The following PTCHD4 variants were observed in gnomAD, a reference collection of about 807,000 sequenced individuals.
PTCHD4 encodes the protein patched domain containing 4.
PTCHD4 carries 33 observed loss-of-function variants against 58.1 expected under a neutral mutation model. That is an observed-to-expected ratio of 0.57 (90% CI 0.43 to 0.76). The LOEUF is 0.76. Ranked by LOEUF, PTCHD4 falls within the 30% of genes least tolerant of loss-of-function variation. The pLI is 0.00. For synonymous variants in PTCHD4, 478 were observed against 409.6 expected (o/e 1.17, Z -2.02); for missense variants, 1,058 against 1,027.1 (o/e 1.03, Z -0.41).
At chr6:47,936,762 T>A (rs1474795493) in intron 4 of PTCHD4, among the ~76,000 whole-genome samples, 3 of 152,072 alleles carry the variant, frequency 2.0e-5, no homozygotes, top group Non-Finnish European at 4.4e-5. Context: ...TACATTCTAA[T>A]ACACACAAAA....
chr6:47,879,220 A>G lies in PTCHD4; in HGVS notation c.1615T>C (p.Cys539Arg). 2.5e-6 allele frequency: 4 copies of G among 1,613,118 alleles called. No individual in the cohort carries two copies. Among genetic ancestry groups the G allele is most frequent in the Non-Finnish European group, 3.4e-6 (4 of 1,179,646 alleles). The change falls in exon 5 of 5, where the codon TGT (cysteine) becomes CGT (arginine). Residue 539 changes from cysteine to arginine, a missense_variant. Transcript: ENST00000339488. ...SSVQDDLRRL[C>R]SGFTAVSWVE... is the part of the protein sequence containing the mutation. ...CAGGACACTGCAGTGAATCCACTAC[A>G]GAGTCTTCTTAGGTCATCCTGGACG...
At chr6:48,001,080 A>C (rs1768702664) in intron 4 of PTCHD4, among the ~76,000 whole-genome samples, 1 of 152,168 alleles carries the variant, frequency 6.6e-6, no homozygotes, top group South Asian at 2.1e-4. Context: ...GGAGAACTAC[A>C]AACCACTGCT....
chr6:48,024,611 T>A (rs1763179095), intron 3 of PTCHD4, among the ~76,000 whole-genome samples: 1 of 152,174 alleles, frequency 6.6e-6, no homozygotes, highest in Non-Finnish European at 1.5e-5. Flanking sequence ...CTGTAGGCAT[T>A]CTATGATCCC....
chr6:48,050,504 A>G (rs1764193052), intron 3 of PTCHD4, among the ~76,000 whole-genome samples: 1 of 152,064 alleles, frequency 6.6e-6, no homozygotes, highest in Non-Finnish European at 1.5e-5. Context: ...TACTGGATCC[A>G]TCCAATCTGA....
chr6:47,962,340 CA>C (rs994113908), intron 4 of PTCHD4, among the ~76,000 whole-genome samples: 9 of 152,274 alleles, frequency 5.9e-5, no homozygotes, highest in Admixed American at 2.6e-4. Flanking sequence ...GAAACAATCA[CA>C]AAGTCACAAG....
chr6:47,904,378 A>C (rs1466404803), intron 4 of PTCHD4, among the ~76,000 whole-genome samples: 1 of 152,190 alleles, frequency 6.6e-6, no homozygotes, highest in Non-Finnish European at 1.5e-5. Flanking sequence ...TTTGGAAATA[A>C]ATTTTGTTGG....
rs1221775023 is a variant in PTCHD4 at position 47,862,334 on chromosome 6, C to T, written c.*15969G>A. ...TACTTACAACCATTTTCAACACATA[C>T]TAAATTTTTTTTGTAGGCTGCTTTC... On this transcript the variant is annotated 3_prime_UTR_variant, in exon 5 of 5. Coordinates refer to ENST00000339488, the MANE Select transcript of PTCHD4 (RefSeq NM_001384253.1). Among the ~76,000 whole-genome samples, 5 of 151,732 alleles carry T rather than the reference C, an allele frequency of 3.3e-5. No individual in the cohort carries two copies. Among genetic ancestry groups the T allele is most frequent in the Non-Finnish European group, 5.9e-5 (4 of 67,782 alleles).
rs997520861 is a variant in PTCHD4 at position 48,069,236 on chromosome 6, A to G, written c.-279T>C. Among the ~76,000 whole-genome samples, 1 of 149,830 alleles carries G rather than the reference A, an allele frequency of 6.7e-6. No individual in the cohort carries two copies. The highest frequency in any genetic ancestry group is 2.5e-5 in the African/African-American group (1 of 40,410). On this transcript the variant is annotated 5_prime_UTR_variant, in exon 2 of 5. Transcript: ENST00000339488. ...GCTTTTTTCTTTTTTTAAGATGCTGACAGTTATTTTTAGAGTTTTGTGTTC... is the reference window on the plus strand; with the variant it reads ...GCTTTTTTCTTTTTTTAAGATGCTGGCAGTTATTTTTAGAGTTTTGTGTTC...
chr6:48,110,109 T>C (rs560741484), intron 1 of PTCHD4, among the ~76,000 whole-genome samples: 1 of 152,306 alleles, frequency 6.6e-6, no homozygotes, highest in Non-Finnish European at 1.5e-5. Context: ...CCACTGAGTA[T>C]GTTTCAAAAG....
chr6:47,980,596 T>C (rs1211330571), intron 4 of PTCHD4, among the ~76,000 whole-genome samples: 3 of 152,084 alleles, frequency 2.0e-5, no homozygotes, highest in Non-Finnish European at 4.4e-5. Flanking sequence ...ATAACTTCAA[T>C]GTTATCACAT....
intron 4 of PTCHD4, among the ~76,000 whole-genome samples, chr6:48,007,935 C>T (rs962575863): frequency 5.9e-4 from 16 of 26,998 alleles, no homozygotes; most frequent in East Asian, 2.5e-3. Context: ...TGTGCGCGCG[C>T]GCACACACAC....
intron 3 of PTCHD4, among the ~76,000 whole-genome samples, chr6:48,018,780 G>A (rs1762953619): frequency 6.6e-6 from 1 of 152,144 alleles, no homozygotes; most frequent in African/African-American, 2.4e-5. Flanking sequence ...GTTCTTAAAA[G>A]CAGGCATTCC....
chr6:47,987,691 C>G (rs1768123495), intron 4 of PTCHD4, among the ~76,000 whole-genome samples: 1 of 152,102 alleles, frequency 6.6e-6, no homozygotes, highest in Non-Finnish European at 1.5e-5. Flanking sequence ...GATACCTTCT[C>G]CAATTCAAAC....
intron 1 of PTCHD4, among the ~76,000 whole-genome samples, chr6:48,095,579 AT>A (rs1403931593): frequency 2.0e-5 from 3 of 152,046 alleles, no homozygotes; most frequent in Non-Finnish European, 2.9e-5. Flanking sequence ...AGTCCCAGTT[AT>A]TCGGGAGGCT....
chr6:48,044,095 T>C lies in PTCHD4; in HGVS notation c.417+24135A>G, dbSNP rs139232664. ...TCTTTCCTGAGACTGGTGGGGGTTG[T>C]TGAAAGCTGCTGTTTTGTGTATTTT... On this transcript the variant is annotated intron_variant, in intron 3 of 4. Transcript: ENST00000339488. 5.7e-3 allele frequency among the ~76,000 whole-genome samples: 870 copies of C among 151,940 alleles called. 5 individuals carry two copies. Among genetic ancestry groups the C allele is most frequent in the African/African-American group, 0.018 (758 of 41,518 alleles).
intron 1 of PTCHD4, among the ~76,000 whole-genome samples, chr6:48,100,035 G>C (rs1225592828): frequency 6.6e-6 from 1 of 152,102 alleles, no homozygotes; most frequent in Non-Finnish European, 1.5e-5. Flanking sequence ...TAACAGGACA[G>C]GAAGAGTATA....
At chr6:47,908,451 A>G (rs929976667) in intron 4 of PTCHD4, among the ~76,000 whole-genome samples, 1 of 152,202 alleles carries the variant, frequency 6.6e-6, no homozygotes, top group African/African-American at 2.4e-5. Context: ...CCTCCAGGAC[A>G]GAGAGCTGAT....
intron 4 of PTCHD4, among the ~76,000 whole-genome samples, chr6:47,911,517 C>A (rs1176889128): frequency 6.6e-6 from 1 of 152,128 alleles, no homozygotes; most frequent in South Asian, 2.1e-4. Context: ...CCATATAGGA[C>A]CTTGTGTAAC....
rs12660611 is a variant in PTCHD4 at position 47,876,082 on chromosome 6, T to C, written c.*2221A>G. ...CCTCCCTGCACCCCCACTACAAAAC[T>C]CCCACCCAAACAAAAAATCAAAACC... On this transcript the variant is annotated 3_prime_UTR_variant, in exon 5 of 5. Coordinates refer to ENST00000339488, the MANE Select transcript of PTCHD4 (RefSeq NM_001384253.1). Among the ~76,000 whole-genome samples the C allele has an allele frequency of 0.67, 100,349 of 150,730 alleles. 33,912 individuals carry two copies. Among genetic ancestry groups the C allele is most frequent in the East Asian group, 0.78 (3,942 of 5,060 alleles).
Sources: gnomAD v4.1 joint callset for allele counts (sites outside exome capture counted in the v4.1 genomes callset) on GRCh38, gnomAD v4.1.1 for gene constraint, MANE v1.5 for transcripts, NCBI Gene and HGNC (gene_info 2026-07-23, HGNC 2026-07-21) for gene names.